Variants in TENM3 observed in about 807,000 individuals in gnomAD.
The protein encoded by TENM3 is teneurin transmembrane protein 3.
Under a neutral mutation model 255.1 loss-of-function variants are expected in TENM3, and 63 were observed. The ratio of observed to expected loss-of-function variants is 0.25; its 90% confidence interval spans 0.20 to 0.30. The LOEUF (loss-of-function observed/expected upper bound fraction) is 0.30. TENM3 is among the 10% of genes least tolerant of loss of function. The pLI, the probability that TENM3 is intolerant of heterozygous loss-of-function variation, is 1.00. For missense variants in TENM3, 2,929 were observed against 3,461.1 expected (o/e 0.85, Z 3.86); for synonymous variants, 1,306 against 1,322.3 (o/e 0.99, Z 0.27).
At chr4:181,863,568 A>G in the TENM3 span, among the ~76,000 whole-genome samples, 62,000 of 151,910 alleles carry the variant, frequency 0.41, 13,756 homozygotes, top group Non-Finnish European at 0.49. Context: ...GCTCTCTGCA[A>G]TATACAAACA....
the TENM3 span, among the ~76,000 whole-genome samples, chr4:181,459,896 T>G: frequency 6.6e-6 from 1 of 151,930 alleles, no homozygotes; most frequent in Non-Finnish European, 1.5e-5. Context: ...TAAATCAATC[T>G]GGGAAAATTG....
chr4:181,870,985 A>G, the TENM3 span, among the ~76,000 whole-genome samples: 2 of 152,072 alleles, frequency 1.3e-5, no homozygotes, highest in African/African-American at 4.8e-5. Context: ...ATTTATTTTT[A>G]TATGTTCACA....
chr4:181,613,753 G>A, the TENM3 span, among the ~76,000 whole-genome samples: 14 of 152,156 alleles, frequency 9.2e-5, no homozygotes, highest in Admixed American at 9.2e-4. Context: ...TTGTGATTGG[G>A]GGGCCCCTTT....
At chr4:182,100,438 T>TTAA in the TENM3 span, among the ~76,000 whole-genome samples, 2 of 65,734 alleles carry the variant, frequency 3.0e-5, no homozygotes, top group African/African-American at 9.3e-5. Context: ...TCCGTCTCCG[T>TTAA]AAAAAAAAAA....
At chr4:181,689,369 G>T in the TENM3 span, among the ~76,000 whole-genome samples, 1 of 152,142 alleles carries the variant, frequency 6.6e-6, no homozygotes, top group African/African-American at 2.4e-5. Context: ...CAAAGTGTGT[G>T]ACCCAACTGG....
rs1749157423 is a variant in TENM3, at chr4:182,612,987, C to A, written c.749+11826C>A. On this transcript the variant is annotated intron_variant, in intron 4 of 27. Transcript: ENST00000511685. ...CTCTCAACTCTTACCGCCGGAAATT[C>A]TTTTATTCTTCATAAACTACTTACA... is the stretch of plus-strand genomic sequence containing the variant. Among the ~76,000 whole-genome samples, 3 of 152,164 alleles carry A rather than the reference C, an allele frequency of 2.0e-5. No individual in the cohort carries two copies. In the South Asian group the frequency reaches 6.2e-4, roughly 32 times the overall value.
the TENM3 span, among the ~76,000 whole-genome samples, chr4:182,037,675 A>G: frequency 5.3e-5 from 8 of 152,246 alleles, no homozygotes; most frequent in South Asian, 1.7e-3. Flanking sequence ...TGTTGTTTTC[A>G]TACATTTTTT....
chr4:181,616,314 T>TACACACAC, the TENM3 span, among the ~76,000 whole-genome samples: 221 of 103,698 alleles, frequency 2.1e-3, 1 homozygote, highest in African/African-American at 7.4e-3. Flanking sequence ...ACCCATAGAA[T>TACACACAC]ACACACACAC....
chr4:181,696,245 G>A, the TENM3 span, among the ~76,000 whole-genome samples: 17 of 152,150 alleles, frequency 1.1e-4, no homozygotes, highest in Admixed American at 5.9e-4. Context: ...TAATGATACC[G>A]TATGTTGCCA....
At chr4:181,958,283 A>G in the TENM3 span, among the ~76,000 whole-genome samples, 1 of 152,312 alleles carries the variant, frequency 6.6e-6, no homozygotes, top group Non-Finnish European at 1.5e-5. Context: ...GTTAGAGTGA[A>G]AATCAGTTCA....
intron 6 of TENM3, among the ~76,000 whole-genome samples, chr4:182,659,621 G>A (rs1219752529): frequency 1.3e-5 from 2 of 152,142 alleles, no homozygotes; most frequent in African/African-American, 4.8e-5. Context: ...CCCGTATTTA[G>A]TCAGTCTCTA....
chr4:182,006,243 A>G, the TENM3 span, among the ~76,000 whole-genome samples: 1 of 152,170 alleles, frequency 6.6e-6, no homozygotes, highest in Admixed American at 6.5e-5. Context: ...ATGTCCCACC[A>G]ATAACTGTTT....
At chr4:181,807,689 G>T in the TENM3 span, among the ~76,000 whole-genome samples, 1 of 152,094 alleles carries the variant, frequency 6.6e-6, no homozygotes, top group Non-Finnish European at 1.5e-5. Flanking sequence ...TTCCAGTATA[G>T]GATTATTTTT....
Position 182,776,043 on chromosome 4 carries a change from G to A in TENM3, c.5304+890G>A, listed in dbSNP as rs150218641. 6.0e-3 allele frequency among the ~76,000 whole-genome samples: 907 copies of A among 151,710 alleles called. 7 individuals are homozygous for A. The highest frequency in any genetic ancestry group is 0.028 in the South Asian group (134 of 4,808). On this transcript the variant is annotated intron_variant, in intron 24 of 27. Transcript: ENST00000511685. ...GAGATATATATATAGCTATATTGCA[G>A]ATAAATGAAATTTACCCTATACTAC...
At chr4:182,631,750 T>C (rs1451592468) in intron 5 of TENM3, 1 of 152,184 alleles carries the variant, frequency 6.6e-6, no homozygotes, top group African/African-American at 2.4e-5. Context: ...TCCCTTCTCT[T>C]ATATTGACCG....
At chr4:182,301,639 C>T (rs193088744) in intron 1 of TENM3, among the ~76,000 whole-genome samples, 2 of 152,342 alleles carry the variant, frequency 1.3e-5, no homozygotes, top group Admixed American at 1.3e-4. Context: ...TCTTGTGACA[C>T]TATCTACAAT....
the TENM3 span, among the ~76,000 whole-genome samples, chr4:181,593,292 C>T: frequency 2.0e-5 from 3 of 152,082 alleles, no homozygotes; most frequent in African/African-American, 7.2e-5. Flanking sequence ...CGTGCCTGGA[C>T]GCTTCCTAGG....
intron 3 of TENM3, 104 bp downstream of exon 3, chr4:182,347,033 C>T (rs1042270644): frequency 1.0e-6 from 1 of 971,790 alleles, no homozygotes; most frequent in Admixed American, 2.9e-5. Flanking sequence ...TCCTCTCATC[C>T]TTCTTTCTCT....
the TENM3 span, among the ~76,000 whole-genome samples, chr4:181,969,515 A>G: frequency 7.9e-5 from 12 of 152,216 alleles, no homozygotes; most frequent in Non-Finnish European, 5.9e-5. Context: ...TGCATGACAT[A>G]TGACATTTTC....
Sources: allele counts gnomAD v4.1 joint callset (sites outside exome capture counted in the v4.1 genomes callset), GRCh38; gene constraint gnomAD v4.1.1; transcripts MANE v1.5; gene names NCBI Gene and HGNC (gene_info 2026-07-23, HGNC 2026-07-21).